The following ARHGEF11 variants were observed in gnomAD, a reference collection of about 807,000 sequenced individuals.
ARHGEF11 encodes Rho guanine nucleotide exchange factor 11.
A neutral mutation model predicts 193.7 loss-of-function variants in ARHGEF11; 55 were observed. That is an observed-to-expected ratio of 0.28 (90% confidence interval 0.23 to 0.36). ARHGEF11 has a LOEUF of 0.36. Ranked by LOEUF, ARHGEF11 falls within the 10% of genes least tolerant of loss-of-function variation. ARHGEF11 has a pLI of 1.00. For missense variants in ARHGEF11, 1,723 were observed against 2,005.6 expected (o/e 0.86, Z 2.69); for synonymous variants, 693 against 768.0 (o/e 0.90, Z 1.62).
At chr1:157,046,370 G>T (rs1399702640), upstream of ARHGEF11, among the ~76,000 whole-genome samples, 1 of 152,138 alleles carries the variant, frequency 6.6e-6, no homozygotes, top group Non-Finnish European at 1.5e-5. Flanking sequence ...CGCGCCCCGT[G>T]CCCCTGCCCA....
intron 1 of ARHGEF11, among the ~76,000 whole-genome samples, chr1:157,007,898 GGTTTTTTTTTTTTT>G (rs1232479953): frequency 1.8e-5 from 1 of 55,840 alleles, no homozygotes; most frequent in African/African-American, 9.7e-5. Flanking sequence ...AGAAGGCAAA[GGTTTTTTTTTTTTT>G]GTTTTTTTTT....
At chr1:156,978,552 C>G (rs1663604045) in intron 5 of ARHGEF11, among the ~76,000 whole-genome samples, 170 bp from the exon 6 acceptor site, 1 of 152,202 alleles carries the variant, frequency 6.6e-6, no homozygotes, top group South Asian at 2.1e-4. Context: ...TGCCTTCATG[C>G]CCAAGTACTA....
rs59613921 is a variant in ARHGEF11 at position 156,962,772 on chromosome 1, G to A, written c.1140+431C>T. On this transcript the variant is annotated intron_variant, in intron 13 of 40. Transcript: ENST00000368194. ...CGGGCGCCTGTAGTCCCAGCTACTCGGGGGGCTGAGGCAGGAGAACAGCGT... is the reference window on the plus strand; with the variant it reads ...CGGGCGCCTGTAGTCCCAGCTACTCAGGGGGCTGAGGCAGGAGAACAGCGT... Among the ~76,000 whole-genome samples the A allele has an allele frequency of 7.4e-3, 1,118 of 151,472 alleles. 17 individuals are homozygous for A. Among genetic ancestry groups the A allele is most frequent in the East Asian group, 0.058 (299 of 5,114 alleles).
At chr1:156,967,260 C>G (rs1332853493) in intron 11 of ARHGEF11, among the ~76,000 whole-genome samples, 1 of 152,178 alleles carries the variant, frequency 6.6e-6, no homozygotes, top group Admixed American at 6.5e-5. Flanking sequence ...TATTAAGTAA[C>G]ATTATACAGG....
Position 156,948,769 on chromosome 1 carries a change from A to C in ARHGEF11, c.1926-271T>G. On this transcript the variant is annotated intron_variant, in intron 22 of 40. Coordinates refer to ENST00000368194, the MANE Select transcript of ARHGEF11 (RefSeq NM_198236.3). The surrounding 1 kb of genome is among the most constrained non-coding windows in gnomAD (Gnocchi z 4.2). ...GCTATTAGGAAGGGATCCTAACAGG[A>C]AGATGAAATCTGGGGCTAACAGACT... is the stretch of plus-strand genomic sequence containing the variant. 7.1e-7 allele frequency: 1 copy of C among 1,400,760 alleles called. No homozygotes were observed. Among genetic ancestry groups the C allele is most frequent in the Non-Finnish European group, 9.3e-7 (1 of 1,070,582 alleles). The allele number at this position is 1,400,760 out of a possible 1,614,324, so 86.8% of individuals were successfully genotyped here.
At position 156,944,015 on chromosome 1, in the gene ARHGEF11, G is replaced by A. The variant is rs1319093501; in HGVS notation, c.3155C>T (p.Ala1052Val). ...KLLLKCHSKTAVGSSDSKQTF... is the reference protein window; with the variant it reads ...KLLLKCHSKTVVGSSDSKQTF... ...CTGCTTGCTGTCTGAGGAGCCCACA[G>A]CAGTCTTGCTGTGGCACTTCAGCAA... The change falls in exon 32 of 41, where the codon GCT (alanine) becomes GTT (valine). Residue 1052 changes from alanine (A) to valine (V), a missense_variant. Physicochemically the swap from Ala to Val is moderately conservative, Grantham distance 64 (BLOSUM62 0). Transcript: ENST00000368194. 1.7e-5 allele frequency: 28 copies of A among 1,614,192 alleles called. No homozygotes were observed. The highest frequency in any genetic ancestry group is 2.3e-5 in the Non-Finnish European group (27 of 1,180,018).
At chr1:156,941,527 C>T (rs550888853) in intron 34 of ARHGEF11, 94 bp from the exon 35 acceptor site, 80 of 1,370,462 alleles carry the variant, frequency 5.8e-5, no homozygotes, top group East Asian at 3.5e-4. Context: ...CCGAGAAGGA[C>T]GGTGTGGGCC....
At chr1:156,992,648 A>G (rs1665914614) in intron 1 of ARHGEF11, among the ~76,000 whole-genome samples, 1 of 152,142 alleles carries the variant, frequency 6.6e-6, no homozygotes, top group Non-Finnish European at 1.5e-5. Context: ...GTTAGTTGCT[A>G]AGCAATAAAA....
At chr1:157,045,885 G>A (rs1383190825), upstream of ARHGEF11, among the ~76,000 whole-genome samples, 1 of 150,866 alleles carries the variant, frequency 6.6e-6, no homozygotes, top group Non-Finnish European at 1.5e-5. Context: ...CCCGCGGGGC[G>A]GGGCCGCAGG....
intron 1 of ARHGEF11, among the ~76,000 whole-genome samples, chr1:157,007,064 G>C (rs1667911969): frequency 1.3e-5 from 2 of 152,212 alleles, no homozygotes. Context: ...GGTAAATGAA[G>C]AGAACTCCTC....
Position 156,963,504 on chromosome 1 carries a change from A to C in ARHGEF11, c.1038+16T>G. The C allele has an allele frequency of 6.2e-7, 1 of 1,608,384 alleles. No individual in the cohort carries two copies. The highest frequency in any genetic ancestry group is 1.3e-5 in the African/African-American group (1 of 74,426). ...CAAAAAAAAATGATGAAAGGAGAAAACTAGGAAACCGTTACCTCGTTGTTG... is the reference window on the plus strand; with the variant it reads ...CAAAAAAAAATGATGAAAGGAGAAACCTAGGAAACCGTTACCTCGTTGTTG... On this transcript the variant is annotated intron_variant, in intron 12 of 40. Transcript: ENST00000368194.
chr1:156,961,346 C>T (rs1415573656), intron 14 of ARHGEF11, among the ~76,000 whole-genome samples: 4 of 152,180 alleles, frequency 2.6e-5, no homozygotes. Context: ...CTCTAGACCT[C>T]TGTTTCTTCG....
chr1:156,940,586 T>C (rs987566806), intron 35 of ARHGEF11, among the ~76,000 whole-genome samples, 161 bp from the exon 36 acceptor site: 12 of 152,202 alleles, frequency 7.9e-5, no homozygotes, highest in South Asian at 2.1e-4. Context: ...GCTCTTGGCA[T>C]ACAACAGTAA....
chr1:157,014,796 C>T (rs976882190), intron 1 of ARHGEF11, among the ~76,000 whole-genome samples: 1 of 152,226 alleles, frequency 6.6e-6, no homozygotes, highest in East Asian at 1.9e-4. Flanking sequence ...CACTGGACCT[C>T]TCTCTGCATG....
At chr1:157,036,942 AT>A (rs1672116457) in intron 1 of ARHGEF11, among the ~76,000 whole-genome samples, 1 of 151,874 alleles carries the variant, frequency 6.6e-6, no homozygotes, top group Non-Finnish European at 1.5e-5. Flanking sequence ...CCAGGCCAAC[AT>A]GGTGAAACCC....
chr1:156,942,136 G>C (rs975293486), intron 33 of ARHGEF11, 147 bp from the exon 34 acceptor site: 3 of 1,160,210 alleles, frequency 2.6e-6, no homozygotes, highest in East Asian at 2.5e-5. Context: ...GTCCTCCCTG[G>C]CTGCTCCCTT....
At chr1:156,987,000 C>A (rs1375730654) in intron 1 of ARHGEF11, among the ~76,000 whole-genome samples, 1 of 152,190 alleles carries the variant, frequency 6.6e-6, no homozygotes, top group Non-Finnish European at 1.5e-5. Context: ...CTAAAGACCC[C>A]AAACCTTCAA....
intron 7 of ARHGEF11, among the ~76,000 whole-genome samples, chr1:156,972,546 A>G (rs1291688884): frequency 1.3e-5 from 2 of 152,246 alleles, no homozygotes; most frequent in East Asian, 1.9e-4. Context: ...TTAACATTTC[A>G]TTACAAAAGG....
At chr1:157,010,094 G>T (rs573263909) in intron 1 of ARHGEF11, among the ~76,000 whole-genome samples, 3 of 152,290 alleles carry the variant, frequency 2.0e-5, no homozygotes, top group East Asian at 3.9e-4. Flanking sequence ...AAAACTTAGG[G>T]AGGCCAAGGA....
Sources: allele counts gnomAD v4.1 joint callset (sites outside exome capture counted in the v4.1 genomes callset), GRCh38; gene constraint gnomAD v4.1.1; non-coding constraint Gnocchi (gnomAD v3.1); transcripts MANE v1.5; gene names NCBI Gene and HGNC (gene_info 2026-07-23, HGNC 2026-07-21).